The following CPM variants were observed in gnomAD, a reference collection of about 807,000 sequenced individuals.
CPM encodes the protein carboxypeptidase M, also known as renal carboxypeptidase.
A neutral mutation model predicts 46.4 loss-of-function variants in CPM; 35 were observed. That is an observed-to-expected ratio of 0.75 (90% confidence interval 0.58 to 1.00). The LOEUF is 1.00. Ranked by LOEUF, CPM falls within the 50% of genes least tolerant of loss-of-function variation. The pLI, the probability that CPM is intolerant of heterozygous loss-of-function variation, is 0.00. For missense variants in CPM, 422 were observed against 530.4 expected (o/e 0.80, Z 2.01); for synonymous variants, 195 against 195.3 (o/e 1.00, Z 0.01).
intron 4 of CPM, 41 bp downstream of exon 4, chr12:68,871,743 T>C (rs1218319276): frequency 3.1e-6 from 5 of 1,607,456 alleles, no homozygotes; most frequent in Non-Finnish European, 4.3e-6. Context: ...AGCCTTTGTG[T>C]TGTGTTGTTT....
At chr12:68,953,538 T>C (rs768573099) in intron 1 of CPM, among the ~76,000 whole-genome samples, 61 of 152,230 alleles carry the variant, frequency 4.0e-4, no homozygotes, top group Admixed American at 1.8e-3. Flanking sequence ...GATATACTTA[T>C]CATTCTCTGT....
rs1307711417 is a variant in CPM at position 68,853,736 on chromosome 12, T to G, written c.*2701A>C. The G allele has an allele frequency of 2.2e-4, 27 of 123,056 alleles. No individual in the cohort carries two copies. The highest frequency in any genetic ancestry group is 3.2e-4 in the African/African-American group (10 of 31,424). 7.6% of individuals were successfully genotyped at this position (123,056 alleles called of 1,614,324 possible). A position where few individuals can be genotyped will look rare whatever the true frequency, so the allele number is the denominator to read the frequency against. On this transcript the variant is annotated 3_prime_UTR_variant, in exon 9 of 9. Coordinates refer to ENST00000551568, the MANE Select transcript of CPM (RefSeq NM_198320.5). ...TAAGTAAAAAAAAGAGAAAGAAGGA[T>G]GGGAAGGGGAGGGAAGGGGAGGGGA... is the stretch of plus-strand genomic sequence containing the variant.
chr12:68,859,306 A>G (rs563052905), intron 7 of CPM, among the ~76,000 whole-genome samples: 10 of 152,330 alleles, frequency 6.6e-5, no homozygotes, highest in Non-Finnish European at 1.3e-4. Context: ...CATTTATATT[A>G]GTACGTATTA....
intron 2 of CPM, among the ~76,000 whole-genome samples, chr12:68,931,729 G>C (rs910719638): frequency 4.3e-5 from 5 of 116,130 alleles, no homozygotes; most frequent in African/African-American, 1.7e-4. Flanking sequence ...CTGGGCAACA[G>C]AGCGAGACTC....
At chr12:68,901,329 G>A (rs1887104284) in intron 2 of CPM, among the ~76,000 whole-genome samples, 1 of 152,240 alleles carries the variant, frequency 6.6e-6, no homozygotes, top group African/African-American at 2.4e-5. Flanking sequence ...GGATTTAGGA[G>A]CCAGAGAGGT....
chr12:68,953,501 A>G (rs1888968226), intron 1 of CPM, among the ~76,000 whole-genome samples: 2 of 152,176 alleles, frequency 1.3e-5, no homozygotes, highest in South Asian at 4.1e-4. Context: ...TTTATTCCAT[A>G]ATTTACAAAA....
chr12:68,872,739 T>C (rs12367652), intron 3 of CPM, among the ~76,000 whole-genome samples: 19,655 of 116,604 alleles, frequency 0.17, 1,292 homozygotes, highest in African/African-American at 0.23. Context: ...ACATTGTAGA[T>C]TTTTTTTTTT....
At position 68,871,959 on chromosome 12, in the gene CPM, A is replaced by T; in HGVS notation, c.259-3T>A. 1 of 1,614,102 alleles carries T rather than the reference A, an allele frequency of 6.2e-7. No homozygotes were observed. The highest frequency in any genetic ancestry group is 8.5e-7 in the Non-Finnish European group (1 of 1,180,004). On this transcript the variant is annotated splice_region_variant and splice_polypyrimidine_tract_variant and intron_variant, in intron 3 of 8. Coordinates refer to ENST00000551568, the MANE Select transcript of CPM (RefSeq NM_198320.5). ...AGCAGCAGCTCCCGCCCAACAGTCT[A>T]TATGTGTTAAAGAGAAAAGAGGACA...
chr12:68,895,407 C>CAT (rs1313254370), intron 2 of CPM, among the ~76,000 whole-genome samples: 2 of 152,160 alleles, frequency 1.3e-5, no homozygotes, highest in Non-Finnish European at 2.9e-5. Flanking sequence ...GGGAAGGTGA[C>CAT]AGGGAGCAGA....
intron 2 of CPM, among the ~76,000 whole-genome samples, chr12:68,913,267 A>G (rs901828943): frequency 1.3e-5 from 2 of 152,124 alleles, no homozygotes; most frequent in Admixed American, 1.3e-4. Context: ...TTGTCCCTCA[A>G]TGAAGTCTGA....
chr12:68,897,761 A>C (rs575673206), intron 2 of CPM, among the ~76,000 whole-genome samples: 280 of 151,476 alleles, frequency 1.8e-3, no homozygotes, highest in Non-Finnish European at 3.2e-3. Flanking sequence ...AAAAAGGCAC[A>C]ATCATTACAA....
chr12:68,941,507 G>A (rs1430657534), intron 1 of CPM, among the ~76,000 whole-genome samples: 1 of 152,042 alleles, frequency 6.6e-6, no homozygotes, highest in African/African-American at 2.4e-5. Flanking sequence ...CCGGGTAGCT[G>A]GGACTACAGG....
intron 3 of CPM, among the ~76,000 whole-genome samples, chr12:68,884,110 GA>G (rs35514888): frequency 0.43 from 26,922 of 63,028 alleles, 2,870 homozygotes; most frequent in Middle Eastern, 0.49. Context: ...AATTCCATCG[GA>G]AAAAAAAAAA....
rs73340456 is a variant in CPM at position 68,908,901 on chromosome 12, C to T, written c.161-23012G>A. On this transcript the variant is annotated intron_variant, in intron 2 of 8. Coordinates refer to ENST00000551568, the MANE Select transcript of CPM (RefSeq NM_198320.5). ...AACAAAGCATGAATAAATAGAAAAA[C>T]AGGCAAATGGCATGAGGAAATAGAA... Among the ~76,000 whole-genome samples, 242 of 152,172 alleles carry T rather than the reference C, an allele frequency of 1.6e-3. 1 individual carries two copies. Among genetic ancestry groups the T allele is most frequent in the African/African-American group, 5.4e-3 (224 of 41,514 alleles).
chr12:68,909,460 G>A (rs1247482742), intron 2 of CPM, among the ~76,000 whole-genome samples: 2 of 152,076 alleles, frequency 1.3e-5, no homozygotes, highest in Admixed American at 1.3e-4. Flanking sequence ...GGCTGGGAGT[G>A]TAAATAATAC....
chr12:68,903,190 C>T (rs1887187048), intron 2 of CPM, among the ~76,000 whole-genome samples: 1 of 152,234 alleles, frequency 6.6e-6, no homozygotes, highest in Non-Finnish European at 1.5e-5. Context: ...TGCTAAATTT[C>T]TCAAGCTGTG....
At chr12:68,958,568 A>T (rs926924710) in intron 1 of CPM, among the ~76,000 whole-genome samples, 2 of 151,900 alleles carry the variant, frequency 1.3e-5, no homozygotes, top group African/African-American at 4.8e-5. Flanking sequence ...CATCACCAAG[A>T]TACCTCCTAA....
intron 2 of CPM, among the ~76,000 whole-genome samples, chr12:68,898,646 T>C (rs1048883739): frequency 6.6e-6 from 1 of 152,246 alleles, no homozygotes; most frequent in African/African-American, 2.4e-5. Flanking sequence ...GCACGTCACC[T>C]GCCTGAACAC....
In CPM at chr12:68,869,452, A is replaced by G. The variant is rs1378134912; in HGVS notation, c.660T>C (p.Asp220=). ...AGGTATGTGCAAGATATTGAAAAAC[A>G]TCATCATCAGGCGTTAAGCTTCGGG... The part of the protein sequence containing the change: ...LYSRSLTPDD[D]VFQYLAHTYA... The change falls in exon 6 of 9, where the codon GAT becomes GAC. Residue 220 remains aspartate (D), a synonymous_variant. Coordinates refer to ENST00000551568, the MANE Select transcript of CPM (RefSeq NM_198320.5). 1 of 1,613,278 alleles carries G rather than the reference A, an allele frequency of 6.2e-7. No individual in the cohort carries two copies. The highest frequency in any genetic ancestry group is 8.5e-7 in the Non-Finnish European group (1 of 1,179,488).
Sources: allele counts gnomAD v4.1 joint callset (sites outside exome capture counted in the v4.1 genomes callset), GRCh38; gene constraint gnomAD v4.1.1; transcripts MANE v1.5; gene names NCBI Gene and HGNC (gene_info 2026-07-23, HGNC 2026-07-21).